Variants in ZNF429 observed in about 807,000 individuals in gnomAD.
ZNF429 encodes zinc finger protein 429.
ZNF429 carries 53 observed loss-of-function variants against 56.8 expected under a neutral mutation model. That is an observed-to-expected ratio of 0.93 (90% confidence interval 0.75 to 1.17). The LOEUF is 1.17. Ranked by LOEUF, ZNF429 falls within the 50% of genes most tolerant of loss-of-function variation. The probability of loss-of-function intolerance (pLI) is 0.00; values close to 1 mark genes in which losing one functional copy is unlikely to be tolerated. For missense variants in ZNF429, 849 were observed against 788.4 expected, an observed-to-expected ratio of 1.08 and a Z score of -0.92; for synonymous variants, 278 against 264.7, an observed-to-expected ratio of 1.05 and a Z score of -0.49.
intron 1 of ZNF429, among the ~76,000 whole-genome samples, chr19:21,511,920 T>TA (rs1425761875): frequency 3.2e-4 from 49 of 151,940 alleles, no homozygotes; most frequent in African/African-American, 1.1e-3. Flanking sequence ...ACCAAAAAAA[T>TA]ACGAAAACCA....
chr19:21,529,639 TGG>T lies in ZNF429; in HGVS notation c.4-18_4-17del, dbSNP rs1491010984. 4.0e-6 allele frequency: 6 copies of T among 1,514,984 alleles called. No individual in the cohort carries two copies. The highest frequency in any genetic ancestry group is 2.1e-5 in the Admixed American group (1 of 48,764). The allele number at this position is 1,514,984 out of a possible 1,614,324, so 93.8% of individuals were successfully genotyped here. ...TCTCTCTCTTTCTCTCTCCTTCTGT[TGG>T]TGTGTGTGTGTTTCAGGGACCATTG... On this transcript the variant is annotated splice_polypyrimidine_tract_variant and intron_variant, in intron 1 of 3. Coordinates refer to ENST00000358491, the MANE Select transcript of ZNF429 (RefSeq NM_001001415.4).
chr19:21,513,362 A>G lies in ZNF429; in HGVS notation c.3+7588A>G, dbSNP rs186896814. ...TTTATCTTTTATAATAAACCAGTAA[A>G]CATAACTACAGTGTTTGCTGAGTTC... On this transcript the variant is annotated intron_variant, in intron 1 of 3. Transcript: ENST00000358491. Among the ~76,000 whole-genome samples, 502 of 152,292 alleles carry G rather than the reference A, an allele frequency of 3.3e-3. 1 individual carries two copies. Among genetic ancestry groups the G allele is most frequent in the Non-Finnish European group, 5.8e-3 (394 of 68,024 alleles).
intron 3 of ZNF429, among the ~76,000 whole-genome samples, chr19:21,531,021 G>A: frequency 1.3e-5 from 2 of 148,156 alleles, no homozygotes; most frequent in South Asian, 2.2e-4. Context: ...CAGGAGAATC[G>A]CTTGAATCTG....
intron 1 of ZNF429, among the ~76,000 whole-genome samples, chr19:21,513,966 A>G (rs1158541946): frequency 6.6e-6 from 1 of 152,146 alleles, no homozygotes; most frequent in African/African-American, 2.4e-5. Flanking sequence ...GAAATGCACA[A>G]AAGTGTCTAC....
chr19:21,526,293 A>G (rs996960064), intron 1 of ZNF429, among the ~76,000 whole-genome samples: 2 of 151,952 alleles, frequency 1.3e-5, no homozygotes, highest in Non-Finnish European at 2.9e-5. Context: ...AGCAGTTTAC[A>G]CTACACCCAT....
intron 1 of ZNF429, among the ~76,000 whole-genome samples, chr19:21,516,547 A>G (rs1265863265): frequency 2.0e-5 from 3 of 152,224 alleles, no homozygotes; most frequent in Non-Finnish European, 4.4e-5. Flanking sequence ...GGTTATTTTA[A>G]TGATACTGAT....
rs878915708 is a variant in ZNF429, at chr19:21,537,629, C to G, written c.1576C>G (p.Gln526Glu). 2 of 1,605,566 alleles carry G rather than the reference C, an allele frequency of 1.2e-6. No homozygotes were observed. Among genetic ancestry groups the G allele is most frequent in the Admixed American group, 1.7e-5 (1 of 59,098 alleles). ...TTTTATCCTGTCCTCAAGACTTACT[C>G]AACATAAGAAAATTCATACTGGAGA... ...KAFILSSRLT[Q>E]HKKIHTGEKP... The change falls in exon 4 of 4, where the codon CAA becomes GAA. Residue 526 changes from glutamine (Q) to glutamate (E), a missense_variant. Physicochemically the swap from Gln to Glu is conservative, Grantham distance 29. Transcript: ENST00000358491.
chr19:21,528,816 G>A (rs1468081808), intron 1 of ZNF429, among the ~76,000 whole-genome samples: 1 of 152,158 alleles, frequency 6.6e-6, no homozygotes, highest in Non-Finnish European at 1.5e-5. Flanking sequence ...CTTTTAGGTA[G>A]CAAGATCACA....
At chr19:21,507,258 A>G (rs951744672) in intron 1 of ZNF429, among the ~76,000 whole-genome samples, 1 of 152,156 alleles carries the variant, frequency 6.6e-6, no homozygotes, top group Non-Finnish European at 1.5e-5. Flanking sequence ...TTGCAGTAAA[A>G]TACAAAATTT....
At chr19:21,506,443 CAAA>C (rs1229591215) in intron 1 of ZNF429, among the ~76,000 whole-genome samples, 25 of 99,222 alleles carry the variant, frequency 2.5e-4, no homozygotes, top group African/African-American at 4.7e-4. Flanking sequence ...CTATCTCAAA[CAAA>C]AAAAAAAAAA....
At chr19:21,535,424 C>T in intron 3 of ZNF429, among the ~76,000 whole-genome samples, 1 of 4,552 alleles carries the variant, frequency 2.2e-4, no homozygotes, top group African/African-American at 1.1e-3. Flanking sequence ...TTCTTTCTTT[C>T]TTTCTTTCTT....
intron 1 of ZNF429, among the ~76,000 whole-genome samples, chr19:21,513,378 T>G (rs2032593082): frequency 6.6e-6 from 1 of 152,220 alleles, no homozygotes; most frequent in Admixed American, 6.5e-5. Context: ...CTACAGTGTT[T>G]GCTGAGTTCT....
intron 1 of ZNF429, among the ~76,000 whole-genome samples, chr19:21,524,539 A>G (rs1394708071): frequency 6.6e-6 from 1 of 152,136 alleles, no homozygotes; most frequent in Admixed American, 6.5e-5. Context: ...AAAAAAAAAA[A>G]AAGTGAACAC....
rs2033887120 is a variant in ZNF429 at position 21,540,562 on chromosome 19, T to G, written c.*2484T>G. Reference sequence around the variant, plus strand: ...TTTACAAACAACTCAATTATGCACTTTTAGTTATTTTAAAGTGTACAATTA... The same window carrying G: ...TTTACAAACAACTCAATTATGCACTGTTAGTTATTTTAAAGTGTACAATTA... On this transcript the variant is annotated 3_prime_UTR_variant, in exon 4 of 4. Coordinates refer to ENST00000358491, the MANE Select transcript of ZNF429 (RefSeq NM_001001415.4). Among the ~76,000 whole-genome samples the G allele has an allele frequency of 6.6e-6, 1 of 152,122 alleles. No homozygotes were observed. The highest frequency in any genetic ancestry group is 2.1e-4 in the South Asian group (1 of 4,830).
intron 3 of ZNF429, among the ~76,000 whole-genome samples, chr19:21,532,605 C>T: frequency 6.6e-6 from 1 of 152,008 alleles, no homozygotes; most frequent in African/African-American, 2.4e-5. Flanking sequence ...AGGGTTTTGG[C>T]TCACTGTAAG....
chr19:21,515,258 T>TA (rs2032685125), intron 1 of ZNF429, among the ~76,000 whole-genome samples: 1 of 151,418 alleles, frequency 6.6e-6, no homozygotes, highest in African/African-American at 2.4e-5. Flanking sequence ...TTTTTTTTTT[T>TA]TACTTTTTTA....
Position 21,531,118 on chromosome 19 carries a change from A to AC in ZNF429, c.226+434_226+435insC. 1.8e-3 allele frequency among the ~76,000 whole-genome samples: 160 copies of AC among 87,204 alleles called. 7 individuals carry two copies. The highest frequency in any genetic ancestry group is 2.8e-3 in the Non-Finnish European group (121 of 43,034). 57.2% of individuals were successfully genotyped at this position (87,204 alleles called of 152,430 possible). A position where few individuals can be genotyped will look rare whatever the true frequency, so the allele number is the denominator to read the frequency against. ...TGAAACTCCATCTCAAAAAAAAAAAAAAAAAAAAAAACCAAAAAAAAAAAA... is the reference window on the plus strand; with the variant it reads ...TGAAACTCCATCTCAAAAAAAAAAAACAAAAAAAAAAACCAAAAAAAAAAAA... On this transcript the variant is annotated intron_variant, in intron 3 of 3. Transcript: ENST00000358491.
intron 1 of ZNF429, among the ~76,000 whole-genome samples, chr19:21,520,957 C>A (rs1204080375): frequency 1.3e-5 from 2 of 152,174 alleles, no homozygotes; most frequent in African/African-American, 2.4e-5. Context: ...TAAATAGGCA[C>A]TTCAATATTG....
intron 1 of ZNF429, among the ~76,000 whole-genome samples, chr19:21,518,072 T>G (rs955540571): frequency 5.3e-5 from 8 of 152,178 alleles, no homozygotes; most frequent in Admixed American, 4.6e-4. Flanking sequence ...ACAGGCATTG[T>G]CATTTCTTAT....
Sources: allele counts gnomAD v4.1 joint callset (sites outside exome capture counted in the v4.1 genomes callset), GRCh38; gene constraint gnomAD v4.1.1; transcripts MANE v1.5; gene names NCBI Gene and HGNC (gene_info 2026-07-23, HGNC 2026-07-21).